KRT75: variants seen among roughly 807,000 people sequenced by gnomAD.
KRT75 encodes the protein keratin 75.
Under a neutral mutation model 48.8 loss-of-function variants are expected in KRT75, and 35 were observed. That is an observed-to-expected ratio of 0.72 (90% CI 0.55 to 0.95). The LOEUF is 0.95. KRT75 is among the 40% of genes least tolerant of loss of function. The probability of loss-of-function intolerance (pLI) is 0.00; values close to 1 mark genes in which losing one functional copy is unlikely to be tolerated. For missense variants in KRT75, 776 were observed against 709.9 expected (o/e 1.09, Z -1.06); for synonymous variants, 301 against 282.3 (o/e 1.07, Z -0.66).
chr12:52,433,870 C>T lies in KRT75; in HGVS notation c.435G>A (p.Val145=), dbSNP rs749740025. Residue 145 remains valine (V), a synonymous_variant, in exon 1 of 9, where the codon GTG becomes GTA. Coordinates refer to ENST00000252245, the MANE Select transcript of KRT75 (RefSeq NM_004693.3). The stretch of plus-strand genomic sequence containing the variant: ...TGATCTGCTCGCGCTCCTCGGCCCG[C>T]ACCCGCTGGATGGTGGGGTCGATTT... ...HLQIDPTIQR[V]RAEEREQIKT... is the part of the protein sequence containing the mutation. 8.1e-6 allele frequency: 13 copies of T among 1,614,178 alleles called. No individual in the cohort carries two copies. The highest frequency in any genetic ancestry group is 7.7e-5 in the South Asian group (7 of 91,078).
Position 52,432,007 on chromosome 12 carries a change from T to C in KRT75, c.773A>G (p.Lys258Arg). ...AAENEFVALK[K>R]DVDAAYMNKV... is the part of the protein sequence containing the mutation. Reference sequence around the variant, plus strand: ...TTTGAGAGAAACATCCCCACTCACCTTTTTCAGGGCTACAAATTCATTCTC... The same window carrying C: ...TTTGAGAGAAACATCCCCACTCACCCTTTTCAGGGCTACAAATTCATTCTC... Residue 258 changes from lysine (K) to arginine (R), a missense_variant and splice_region_variant, in exon 3 of 9, where the codon AAG becomes AGG. By Grantham distance (26) the Lys-to-Arg change is conservative. Transcript: ENST00000252245. 1 of 1,613,368 alleles carries C rather than the reference T, an allele frequency of 6.2e-7. No homozygotes were observed. Among genetic ancestry groups the C allele is most frequent in the South Asian group, 1.1e-5 (1 of 91,064 alleles).
chr12:52,430,787 GGA>G, intron 4 of KRT75, 82 bp from the exon 5 acceptor site: 1 of 1,473,996 alleles, frequency 6.8e-7, no homozygotes, highest in East Asian at 2.3e-5. Context: ...ATCTAGGTCA[GGA>G]ATCCTTTCCT....
chr12:52,433,738 C>T (rs559407904), intron 1 of KRT75, 69 bp downstream of exon 1: 1 of 1,608,972 alleles, frequency 6.2e-7, no homozygotes, highest in East Asian at 2.2e-5. Flanking sequence ...TGCTCTCCCC[C>T]CATGGGATGG....
In KRT75 at chr12:52,432,065, A is replaced by G. The variant is rs1262381098; in HGVS notation, c.715T>C (p.Tyr239His). The G allele has an allele frequency of 1.2e-6, 2 of 1,613,950 alleles. No individual in the cohort carries two copies. Among genetic ancestry groups the G allele is most frequent in the African/African-American group, 2.7e-5 (2 of 74,884 alleles). Residue 239 changes from tyrosine to histidine, a missense_variant and splice_region_variant, in exon 3 of 9, where the codon TAC (tyrosine) becomes CAC (histidine). By Grantham distance (83) the Tyr-to-His change is moderately conservative. Transcript: ENST00000252245. ...QDVVEDFKVR[Y>H]EDEINKRTAA... Reference sequence around the variant, plus strand: ...GTGCGCTTGTTAATTTCATCTTCGTACCTATAAGGACAGAGCGGGGGGTGT... The same window carrying G: ...GTGCGCTTGTTAATTTCATCTTCGTGCCTATAAGGACAGAGCGGGGGGTGT...
chr12:52,425,632 G>A (rs1361759795), intron 8 of KRT75, among the ~76,000 whole-genome samples: 1 of 152,176 alleles, frequency 6.6e-6, no homozygotes, highest in Non-Finnish European at 1.5e-5. Flanking sequence ...AGGATGGATG[G>A]CCACCGCCAG....
Position 52,431,732 on chromosome 12 carries a change from T to C in KRT75, c.775-94A>G. 4.7e-6 allele frequency: 5 copies of C among 1,058,378 alleles called. No individual in the cohort carries two copies. In the South Asian group the frequency reaches 5.1e-5, roughly 11 times the overall value. The allele number at this position is 1,058,378 out of a possible 1,614,324, so 65.6% of individuals were successfully genotyped here. A position where few individuals can be genotyped will look rare whatever the true frequency, so the allele number is the denominator to read the frequency against. ...CAGATTTCTCCCCAGCCCATCTAGTTTGGATTTTAGAAAACTCTGGGTCTG... is the reference window on the plus strand; with the variant it reads ...CAGATTTCTCCCCAGCCCATCTAGTCTGGATTTTAGAAAACTCTGGGTCTG... On this transcript the variant is annotated intron_variant, in intron 3 of 8. Coordinates refer to ENST00000252245, the MANE Select transcript of KRT75 (RefSeq NM_004693.3).
chr12:52,431,602 C>T lies in KRT75; in HGVS notation c.811G>A (p.Glu271Lys), dbSNP rs572542142. Residue 271 changes from glutamate (E) to lysine (K), a missense_variant, in exon 4 of 9, where the codon GAA becomes AAA. By Grantham distance (56) the Glu-to-Lys change is moderately conservative. Transcript: ENST00000252245. ...TCGGGCAGAGATTTGACCTTGGCTT[C>T]CAGCTCCACCTTGTTCATATAGGCA... The part of the protein sequence containing the change: ...DAAYMNKVEL[E>K]AKVKSLPEEI... The T allele has an allele frequency of 9.9e-6, 16 of 1,614,058 alleles. No individual in the cohort carries two copies. In the South Asian group the frequency reaches 1.2e-4, roughly 12 times the overall value.
chr12:52,433,534 C>T (rs1287858072), intron 1 of KRT75, among the ~76,000 whole-genome samples: 1 of 152,158 alleles, frequency 6.6e-6, no homozygotes, highest in Non-Finnish European at 1.5e-5. Context: ...GGGTAGTTTG[C>T]TGAGCAGCAA....
intron 2 of KRT75, among the ~76,000 whole-genome samples, 175 bp downstream of exon 2, chr12:52,432,863 C>G (rs1159078216): frequency 6.6e-6 from 1 of 152,216 alleles, no homozygotes; most frequent in Admixed American, 6.5e-5. Flanking sequence ...TAGCAATACA[C>G]AAGATGAAGG....
In KRT75 at chr12:52,424,324, G is replaced by A. The variant is rs545390038; in HGVS notation, c.*193C>T. On this transcript the variant is annotated 3_prime_UTR_variant, in exon 9 of 9. Coordinates refer to ENST00000252245, the MANE Select transcript of KRT75 (RefSeq NM_004693.3). ...CTTTGGTTTCACATGTGTAACAGAC[G>A]GGTGCTGCTGGCAGTCTGGGCACTG... The A allele has an allele frequency of 7.2e-5, 51 of 705,172 alleles. No individual in the cohort carries two copies. The highest frequency in any genetic ancestry group is 2.2e-4 in the East Asian group (9 of 40,328). The allele number at this position is 705,172 out of a possible 1,614,324, so 43.7% of individuals were successfully genotyped here. A position where few individuals can be genotyped will look rare whatever the true frequency, so the allele number is the denominator to read the frequency against.
rs529836949 is a variant in KRT75 at position 52,424,435 on chromosome 12, G to A, written c.*82C>T. On this transcript the variant is annotated 3_prime_UTR_variant, in exon 9 of 9. Transcript: ENST00000252245. ...GCAGCACAGGTGCACCTTACAAGGA[G>A]AGAGGAAGGAGGAGGACCCTGGTGT... is the stretch of plus-strand genomic sequence containing the variant. 5.3e-5 allele frequency: 66 copies of A among 1,246,918 alleles called. No individual in the cohort carries two copies. In the South Asian group the frequency reaches 7.4e-4, roughly 14 times the overall value. 77.2% of individuals were successfully genotyped at this position (1,246,918 alleles called of 1,614,324 possible). A position where few individuals can be genotyped will look rare whatever the true frequency, so the allele number is the denominator to read the frequency against.
In KRT75 at chr12:52,424,682, A is replaced by C. The variant is rs1592161499; in HGVS notation, c.1491T>G (p.Gly497=). 1 of 1,614,084 alleles carries C rather than the reference A, an allele frequency of 6.2e-7. No individual in the cohort carries two copies. Residue 497 remains glycine, a synonymous_variant, in exon 9 of 9, where the codon GGT becomes GGG. Coordinates refer to ENST00000252245, the MANE Select transcript of KRT75 (RefSeq NM_004693.3). Reference sequence around the variant, plus strand: ...TGGTGAAGGAGTAGCCGCTGCCCCCACCGAGGCCCAGGTTTCCACCTCCAA... The same window carrying C: ...TGGTGAAGGAGTAGCCGCTGCCCCCCCCGAGGCCCAGGTTTCCACCTCCAA... ...SSIGGGNLGL[G]GGSGYSFTTS...
At chr12:52,431,412 C>T in intron 4 of KRT75, 131 bp downstream of exon 4, 1 of 773,734 alleles carries the variant, frequency 1.3e-6, no homozygotes, top group Non-Finnish European at 2.3e-6. Context: ...CCCCTACCAC[C>T]CAAGCCCCAG....
intron 1 of KRT75, among the ~76,000 whole-genome samples, 192 bp downstream of exon 1, chr12:52,433,615 G>C (rs76652564): frequency 0.028 from 4,295 of 152,266 alleles, 185 homozygotes; most frequent in African/African-American, 0.091. Flanking sequence ...CTCCGAAAGA[G>C]AGGAAATTTC....
chr12:52,424,235 G>C lies in KRT75; in HGVS notation c.*282C>G. ...GGGAGGGAGGGAGGTGGAGCTGGAG[G>C]AGGACTTTCCAGCTGCCCGGGCCTC... is the stretch of plus-strand genomic sequence containing the variant. On this transcript the variant is annotated 3_prime_UTR_variant, in exon 9 of 9. Transcript: ENST00000252245. 1 of 499,504 alleles carries C rather than the reference G, an allele frequency of 2.0e-6. No homozygotes were observed. Among genetic ancestry groups the C allele is most frequent in the East Asian group, 3.7e-5 (1 of 26,920 alleles). 30.9% of individuals were successfully genotyped at this position (499,504 alleles called of 1,614,324 possible). A position where few individuals can be genotyped will look rare whatever the true frequency, so the allele number is the denominator to read the frequency against.
chr12:52,428,895 A>G, intron 5 of KRT75, 152 bp from the exon 6 acceptor site: 2 of 906,962 alleles, frequency 2.2e-6, no homozygotes, highest in Admixed American at 3.7e-5. Context: ...ATTGGGGGAC[A>G]TAGACATTAA....
At chr12:52,428,167 G>A in intron 7 of KRT75, 89 bp downstream of exon 7, 3 of 1,506,112 alleles carry the variant, frequency 2.0e-6, no homozygotes, top group Middle Eastern at 2.3e-4. Flanking sequence ...GAGAAGAAGG[G>A]GCTGCAACAG....
At chr12:52,431,516 G>C (rs1317642401) in intron 4 of KRT75, 27 bp downstream of exon 4, 1 of 1,477,002 alleles carries the variant, frequency 6.8e-7, no homozygotes. Flanking sequence ...AGACCTAGGA[G>C]AGACAGAAAT....
At position 52,426,814 on chromosome 12, in the gene KRT75, C is replaced by G; in HGVS notation, c.1417+3G>C. On this transcript the variant is annotated splice_donor_region_variant and intron_variant, in intron 8 of 8. Coordinates refer to ENST00000252245, the MANE Select transcript of KRT75 (RefSeq NM_004693.3). ...AATGGCCCAAGAAGTATGTCATACT[C>G]ACAAATGTTAACTGGAGAAACTCCC... The G allele has an allele frequency of 6.2e-7, 1 of 1,614,040 alleles. No homozygotes were observed. Among genetic ancestry groups the G allele is most frequent in the South Asian group, 1.1e-5 (1 of 91,072 alleles).
Sources: allele counts gnomAD v4.1 joint callset (sites outside exome capture counted in the v4.1 genomes callset), GRCh38; gene constraint gnomAD v4.1.1; transcripts MANE v1.5; gene names NCBI Gene and HGNC (gene_info 2026-07-23, HGNC 2026-07-21).